Variants in ODAD1 observed in about 807,000 individuals in gnomAD.
The protein encoded by ODAD1 is outer dynein arm-docking complex subunit 1.
ODAD1 carries 49 observed loss-of-function variants against 67.2 expected under a neutral mutation model. The observed-to-expected ratio is 0.73, with a 90% CI of 0.58 to 0.92. The LOEUF is 0.92. Among genes scored for constraint, ODAD1 ranks in the 40% least tolerant of loss-of-function variants. The probability of loss-of-function intolerance (pLI) is 0.00; values close to 1 mark genes in which losing one functional copy is unlikely to be tolerated. For missense variants in ODAD1, 897 were observed against 953.7 expected, an observed-to-expected ratio of 0.94 and a Z score of 0.78; for synonymous variants, 345 against 393.7, an observed-to-expected ratio of 0.88 and a Z score of 1.46.
chr19:48,298,063 A>G lies in ODAD1; in HGVS notation c.1439T>C (p.Val480Ala). ...FTSLADAALL[V>A]LGQSLEDLPK... ...AAGGTCCTCCAGGCTCTGGCCCAGC[A>G]CTAGGAGGGCAGCGTCGGCCAGGGA... is the stretch of plus-strand genomic sequence containing the variant. Residue 480 changes from valine to alanine, a missense_variant, in exon 14 of 16, where the codon GTG (valine) becomes GCG (alanine). Transcript: ENST00000674294. 4 of 1,613,170 alleles carry G rather than the reference A, an allele frequency of 2.5e-6. No homozygotes were observed. The highest frequency in any genetic ancestry group is 3.4e-6 in the Non-Finnish European group (4 of 1,179,712).
chr19:48,299,037 G>T (rs60582708), intron 12 of ODAD1, among the ~76,000 whole-genome samples: 5,562 of 152,248 alleles, frequency 0.037, 342 homozygotes, highest in African/African-American at 0.13. Flanking sequence ...ACCCTGCAAA[G>T]TAGGCACTGC....
At chr19:48,303,617 G>A (rs767606369) in intron 10 of ODAD1, 33 bp downstream of exon 10, 42 of 1,613,296 alleles carry the variant, frequency 2.6e-5, no homozygotes, top group Non-Finnish European at 3.1e-5. Flanking sequence ...CCGGGGTCCC[G>A]GGCCTCCTCC....
At chr19:48,308,691 G>A (rs566746597) in intron 7 of ODAD1, among the ~76,000 whole-genome samples, 62 of 152,342 alleles carry the variant, frequency 4.1e-4, no homozygotes, top group Middle Eastern at 3.4e-3. Flanking sequence ...GGAGCTCCCC[G>A]TGTGCAGCTG....
At chr19:48,314,793 T>C (rs548671960) in intron 5 of ODAD1, among the ~76,000 whole-genome samples, 1 of 151,890 alleles carries the variant, frequency 6.6e-6, no homozygotes, top group East Asian at 2.0e-4. Flanking sequence ...ATACAAAAAT[T>C]AGCTGGGCGT....
intron 7 of ODAD1, 63 bp from the exon 8 acceptor site, chr19:48,306,386 CT>C (rs1053333723): frequency 2.8e-6 from 4 of 1,407,918 alleles, no homozygotes; most frequent in African/African-American, 1.4e-5. Context: ...GAAGTCTTTC[CT>C]TTTGGCCCCG....
At chr19:48,319,431 C>A (rs1296914964) in intron 3 of ODAD1, 11 of 986,138 alleles carry the variant, frequency 1.1e-5, no homozygotes, top group Non-Finnish European at 1.2e-5. Flanking sequence ...TGACCTTACC[C>A]ACCTCTCCAG....
At chr19:48,320,415 C>T in intron 2 of ODAD1, 24 bp from the exon 3 acceptor site, 1 of 1,241,504 alleles carries the variant, frequency 8.1e-7, no homozygotes, top group Non-Finnish European at 1.0e-6. Flanking sequence ...CATATAAGAC[C>T]CTTCAGACAG....
chr19:48,302,897 C>A (rs747346139), intron 11 of ODAD1, 35 bp from the exon 12 acceptor site: 3 of 1,612,344 alleles, frequency 1.9e-6, no homozygotes, highest in Non-Finnish European at 2.5e-6. Flanking sequence ...GGCCAGATGG[C>A]AGCCTCGGGA....
intron 7 of ODAD1, among the ~76,000 whole-genome samples, chr19:48,309,446 C>A (rs1175775134): frequency 9.2e-5 from 14 of 152,200 alleles, no homozygotes; most frequent in Admixed American, 9.2e-4. Context: ...AGGAACCACC[C>A]TCTCCAGGGC....
At chr19:48,311,742 G>A in intron 6 of ODAD1, 76 bp from the exon 7 acceptor site, 1 of 949,444 alleles carries the variant, frequency 1.1e-6, no homozygotes, top group Non-Finnish European at 1.7e-6. Flanking sequence ...AGCCAAGGAG[G>A]AGACACTTAT....
intron 3 of ODAD1, chr19:48,319,383 T>G (rs1042504137): frequency 3.1e-6 from 3 of 973,072 alleles, no homozygotes; most frequent in Middle Eastern, 5.2e-4. Flanking sequence ...GGACAAAGTC[T>G]CAGCACCTCA....
intron 8 of ODAD1, 68 bp from the exon 9 acceptor site, chr19:48,304,208 G>T: frequency 6.7e-7 from 1 of 1,481,782 alleles, no homozygotes; most frequent in Non-Finnish European, 9.0e-7. Context: ...TCCTGGGGAT[G>T]GGCGGGGTCA....
At chr19:48,321,467 C>T in intron 1 of ODAD1, 1 of 214,538 alleles carries the variant, frequency 4.7e-6, no homozygotes, top group Non-Finnish European at 9.2e-6. Context: ...GGGAGGGGCA[C>T]GGACACCAGT....
chr19:48,303,007 A>G lies in ODAD1; in HGVS notation c.1071+6T>C. 6.2e-7 allele frequency: 1 copy of G among 1,612,352 alleles called. No individual in the cohort carries two copies. Among genetic ancestry groups the G allele is most frequent in the Middle Eastern group, 1.7e-4 (1 of 6,060 alleles). Reference sequence around the variant, plus strand: ...GGAGGAGATGGAGAGGGCAGGCCTCACTCACCTCCTTGATCTCTTCCTGCA... The same window carrying G: ...GGAGGAGATGGAGAGGGCAGGCCTCGCTCACCTCCTTGATCTCTTCCTGCA... On this transcript the variant is annotated splice_donor_region_variant and intron_variant, in intron 11 of 15. Transcript: ENST00000674294.
At chr19:48,302,315 A>C (rs753139820) in intron 12 of ODAD1, among the ~76,000 whole-genome samples, 45 of 151,240 alleles carry the variant, frequency 3.0e-4, no homozygotes, top group Non-Finnish European at 5.9e-4. Context: ...AGTTGAAGGG[A>C]TAGACTCTGA....
intron 5 of ODAD1, among the ~76,000 whole-genome samples, chr19:48,313,742 G>C (rs1968830461): frequency 6.6e-6 from 1 of 151,934 alleles, no homozygotes; most frequent in South Asian, 2.1e-4. Flanking sequence ...AAATTAGCTG[G>C]GCATGGTGGT....
Position 48,303,057 on chromosome 19 carries a change from C to T in ODAD1, c.1027G>A (p.Glu343Lys), listed in dbSNP as rs1185658780. ...RNFAEFNFIN[E>K]QNLELEHVQE... ...ACATGCTCCAGCTCCAAGTTCTGCT[C>T]GTTGATGAAGTTGAACTCAGCAAAG... The change falls in exon 11 of 16, where the codon GAG becomes AAG. Residue 343 changes from glutamate to lysine, a missense_variant. Physicochemically the swap from Glu to Lys is moderately conservative, Grantham distance 56. Coordinates refer to ENST00000674294, the MANE Select transcript of ODAD1 (RefSeq NM_001364171.2). The T allele has an allele frequency of 3.7e-6, 6 of 1,613,978 alleles. No homozygotes were observed. The highest frequency in any genetic ancestry group is 1.6e-4 in the Middle Eastern group (1 of 6,084).
chr19:48,299,964 C>T (rs534081277), intron 12 of ODAD1, among the ~76,000 whole-genome samples: 2 of 150,314 alleles, frequency 1.3e-5, no homozygotes, highest in South Asian at 4.2e-4. Flanking sequence ...TCACTTGAGT[C>T]CAGGAGTTCA....
In ODAD1 at chr19:48,321,878, C is replaced by T. The variant is rs73585402; in HGVS notation, c.-264G>A. 3.3e-3 allele frequency: 1,296 copies of T among 398,456 alleles called. 14 individuals are homozygous for T. Among genetic ancestry groups the T allele is most frequent in the African/African-American group, 0.024 (1,153 of 48,754 alleles). 24.7% of individuals were successfully genotyped at this position (398,456 alleles called of 1,614,324 possible). On this transcript the variant is annotated 5_prime_UTR_variant, in exon 1 of 16. Coordinates refer to ENST00000674294, the MANE Select transcript of ODAD1 (RefSeq NM_001364171.2). Reference sequence around the variant, plus strand: ...CGCGGAGAAGGAGCGCTCAACACAGCCTCAGCGGTTCACTACGCAAGCGCG... The same window carrying T: ...CGCGGAGAAGGAGCGCTCAACACAGTCTCAGCGGTTCACTACGCAAGCGCG...
Sources: allele counts gnomAD v4.1 joint callset (sites outside exome capture counted in the v4.1 genomes callset), GRCh38; gene constraint gnomAD v4.1.1; transcripts MANE v1.5; gene names NCBI Gene and HGNC (gene_info 2026-07-23, HGNC 2026-07-21).